The following SRGAP1 variants were observed in gnomAD, a reference collection of about 807,000 sequenced individuals.
The protein encoded by SRGAP1 is SLIT-ROBO Rho GTPase-activating protein 1.
A neutral mutation model predicts 121.9 loss-of-function variants in SRGAP1; 43 were observed. That is an observed-to-expected ratio of 0.35 (90% confidence interval 0.28 to 0.46). The LOEUF (loss-of-function observed/expected upper bound fraction) is 0.46. Among genes scored for constraint, SRGAP1 ranks in the 20% least tolerant of loss-of-function variants. SRGAP1 has a pLI of 1.00. For missense variants in SRGAP1, 1,102 were observed against 1,350.9 expected, an observed-to-expected ratio of 0.82 and a Z score of 2.89; for synonymous variants, 447 against 485.4, an observed-to-expected ratio of 0.92 and a Z score of 1.04.
At position 64,149,921 on chromosome 12, in the gene SRGAP1, T is replaced by C. The variant is rs1415599470; in HGVS notation, c.*7249T>C. On this transcript the variant is annotated 3_prime_UTR_variant, in exon 22 of 22. Transcript: ENST00000355086. ...ATCAATTTTTGGCTTACTTATACTA[T>C]AGTATAAGCAAATAAGTATTTAAAC... The C allele has an allele frequency of 6.6e-6, 1 of 152,208 alleles. No homozygotes were observed. Among genetic ancestry groups the C allele is most frequent in the African/African-American group, 2.4e-5 (1 of 41,446 alleles). The allele number at this position is 152,208 out of a possible 1,614,324, so 9.4% of individuals were successfully genotyped here. A position where few individuals can be genotyped will look rare whatever the true frequency, so the allele number is the denominator to read the frequency against.
At chr12:63,866,042 A>G (rs1449207266) in intron 1 of SRGAP1, among the ~76,000 whole-genome samples, 5 of 144,698 alleles carry the variant, frequency 3.5e-5, no homozygotes, top group Non-Finnish European at 6.0e-5. Context: ...AGAGAAGACA[A>G]CACTTCAAAA....
intron 19 of SRGAP1, among the ~76,000 whole-genome samples, chr12:64,127,305 A>T (rs927587172): frequency 1.8e-4 from 27 of 152,200 alleles, no homozygotes; most frequent in African/African-American, 6.0e-4. Flanking sequence ...AAGATGGAGG[A>T]GGATATTTCT....
At chr12:63,946,239 T>G (rs2032041920) in intron 1 of SRGAP1, among the ~76,000 whole-genome samples, 1 of 152,100 alleles carries the variant, frequency 6.6e-6, no homozygotes, top group African/African-American at 2.4e-5. Flanking sequence ...GTCACCATCC[T>G]AATTTTGGCC....
Position 64,079,119 on chromosome 12 carries a change from G to A in SRGAP1, c.1323+3G>A. 1 of 1,594,628 alleles carries A rather than the reference G, an allele frequency of 6.3e-7. No individual in the cohort carries two copies. Among genetic ancestry groups the A allele is most frequent in the Non-Finnish European group, 8.5e-7 (1 of 1,171,184 alleles). ...AAACTGAACAGTTCTACTTCATGGT[G>A]TGCCCGCCACTTCCCAAGCCACTCT... On this transcript the variant is annotated splice_donor_region_variant and intron_variant, in intron 9 of 21. Transcript: ENST00000355086.
chr12:64,038,584 T>C (rs1404220621), intron 4 of SRGAP1: 4 of 152,216 alleles, frequency 2.6e-5, no homozygotes, highest in African/African-American at 4.8e-5. Flanking sequence ...CAGGTATTTT[T>C]ATTATTTTGA....
intron 3 of SRGAP1, among the ~76,000 whole-genome samples, chr12:63,994,494 T>G (rs1314280308): frequency 6.6e-6 from 1 of 152,150 alleles, no homozygotes; most frequent in African/African-American, 2.4e-5. Context: ...TCAGGGAGTA[T>G]CCAAGTGAAT....
intron 12 of SRGAP1, among the ~76,000 whole-genome samples, chr12:64,093,589 TTA>T (rs2036096328): frequency 6.6e-6 from 1 of 152,134 alleles, no homozygotes. Context: ...CCTAAAACAC[TTA>T]TATCTTAAAG....
intron 1 of SRGAP1, among the ~76,000 whole-genome samples, chr12:63,934,796 T>A (rs1234895455): frequency 6.6e-6 from 1 of 152,202 alleles, no homozygotes; most frequent in Non-Finnish European, 1.5e-5. Context: ...TCCTCTGGAC[T>A]TTCAGGTTGT....
intron 1 of SRGAP1, among the ~76,000 whole-genome samples, chr12:63,877,530 C>A (rs1900066954): frequency 1.3e-5 from 2 of 152,194 alleles, no homozygotes; most frequent in African/African-American, 4.8e-5. Context: ...TGGACTCATT[C>A]AAGCAAATAA....
At chr12:63,850,346 T>C (rs1433700368) in intron 1 of SRGAP1, among the ~76,000 whole-genome samples, 5 of 152,176 alleles carry the variant, frequency 3.3e-5, no homozygotes, top group African/African-American at 1.2e-4. Flanking sequence ...TATTGGTTTG[T>C]TTACTCCTGT....
At chr12:63,934,285 A>C (rs914126180) in intron 1 of SRGAP1, among the ~76,000 whole-genome samples, 7 of 152,034 alleles carry the variant, frequency 4.6e-5, no homozygotes, top group African/African-American at 1.7e-4. Flanking sequence ...GTAAACCCAG[A>C]TCTCACCTCC....
chr12:63,985,015 CAA>C (rs34037288), intron 2 of SRGAP1, among the ~76,000 whole-genome samples: 2,885 of 108,750 alleles, frequency 0.027, 57 homozygotes, highest in South Asian at 0.064. Flanking sequence ...GAGTCCATCT[CAA>C]AAAAAAAAAA....
At chr12:64,042,344 A>G (rs1444017480) in intron 4 of SRGAP1, among the ~76,000 whole-genome samples, 1 of 152,068 alleles carries the variant, frequency 6.6e-6, no homozygotes, top group Non-Finnish European at 1.5e-5. Context: ...TAATATTTAC[A>G]TTTTTTACTT....
chr12:63,979,607 A>C (rs1005205561), intron 1 of SRGAP1, among the ~76,000 whole-genome samples: 6 of 152,082 alleles, frequency 3.9e-5, no homozygotes, highest in Non-Finnish European at 7.4e-5. Context: ...TATGGCAGTG[A>C]ACAGAGTGTA....
At chr12:64,104,894 TAA>T (rs1404270982) in intron 15 of SRGAP1, among the ~76,000 whole-genome samples, 1 of 148,396 alleles carries the variant, frequency 6.7e-6, no homozygotes, top group African/African-American at 2.6e-5. Context: ...TTTATTGTGG[TAA>T]AAATATATAT....
rs1049816830 is a variant in SRGAP1, at chr12:63,947,798, C to T, written c.68-36149C>T. On this transcript the variant is annotated intron_variant, in intron 1 of 21. Transcript: ENST00000355086. ...TTTCCCATTTGTTTTAGAATTAGCT[C>T]ATTGCACTCACCACAACCTTTAGTT... 5.3e-5 allele frequency among the ~76,000 whole-genome samples: 8 copies of T among 152,188 alleles called. No homozygotes were observed. In the South Asian group the frequency reaches 8.3e-4, roughly 16 times the overall value.
At chr12:63,871,711 C>A (rs1899860866) in intron 1 of SRGAP1, 1 of 878,112 alleles carries the variant, frequency 1.1e-6, no homozygotes, top group Non-Finnish European at 1.8e-6. Flanking sequence ...ATTTTCTCTT[C>A]AAAATTAAAA....
At chr12:63,854,442 A>C (rs1306983140) in intron 1 of SRGAP1, among the ~76,000 whole-genome samples, 1 of 152,200 alleles carries the variant, frequency 6.6e-6, no homozygotes, top group Non-Finnish European at 1.5e-5. Flanking sequence ...GGATGAAATT[A>C]GGACATCTGG....
In SRGAP1 at chr12:63,878,209, G is replaced by A. The variant is rs942946151; in HGVS notation, c.67+33326G>A. On this transcript the variant is annotated intron_variant, in intron 1 of 21. Coordinates refer to ENST00000355086, the MANE Select transcript of SRGAP1 (RefSeq NM_020762.4). ...CTGCTGCCTGCTTTATTGGTATAAA[G>A]CAAGAGTCAGCAAACTTTTTCTGTG... is the stretch of plus-strand genomic sequence containing the variant. 5.3e-5 allele frequency among the ~76,000 whole-genome samples: 8 copies of A among 152,168 alleles called. 1 individual carries two copies. In the South Asian group the frequency reaches 1.7e-3, roughly 32 times the overall value.
Sources: allele counts gnomAD v4.1 joint callset (sites outside exome capture counted in the v4.1 genomes callset), GRCh38; gene constraint gnomAD v4.1.1; transcripts MANE v1.5; gene names NCBI Gene and HGNC (gene_info 2026-07-23, HGNC 2026-07-21).